The following NGF variants were observed in gnomAD, a reference collection of about 807,000 sequenced individuals.
NGF encodes beta-nerve growth factor.
A neutral mutation model predicts 12.8 loss-of-function variants in NGF; 4 were observed. The observed-to-expected ratio is 0.31, with a 90% confidence interval of 0.15 to 0.72. The LOEUF (loss-of-function observed/expected upper bound fraction) is 0.72, where lower values mean the gene tolerates loss of function less well. Ranked by LOEUF, NGF falls within the 30% of genes least tolerant of loss-of-function variation. The pLI, the probability that NGF is intolerant of heterozygous loss-of-function variation, is 0.69. For missense variants in NGF, 283 were observed against 330.8 expected (o/e 0.86, Z 1.12); for synonymous variants, 140 against 130.0 (o/e 1.08, Z -0.52).
chr1:115,320,683 T>C (rs959751531), intron 1 of NGF, among the ~76,000 whole-genome samples: 1 of 152,234 alleles, frequency 6.6e-6, no homozygotes, highest in Admixed American at 6.5e-5. Flanking sequence ...TACCATTTAA[T>C]ATTTTCGGAC....
At position 115,329,744 on chromosome 1, in the gene NGF, C is replaced by CTT. The variant is rs1039991768; in HGVS notation, c.-137+8458_-137+8459dup. Among the ~76,000 whole-genome samples, 103 of 103,968 alleles carry CTT rather than the reference C, an allele frequency of 9.9e-4. 2 individuals carry two copies. Among genetic ancestry groups the CTT allele is most frequent in the African/African-American group, 3.3e-3 (87 of 26,052 alleles). 68.2% of individuals were successfully genotyped at this position (103,968 alleles called of 152,430 possible). ...ATTTTGTTTTCTTTTTTCTTTCTTT[C>CTT]TTTTTTTTTTTTTTTTTTTTTGGAG... On this transcript the variant is annotated intron_variant, in intron 1 of 2. Transcript: ENST00000369512.
chr1:115,286,232 C>A lies in NGF; in HGVS notation c.564G>T (p.Gly188=). The part of the protein sequence containing the change: ...KCRDPNPVDS[G]CRGIDSKHWN... ...AGTGCTTTGAGTCAATGCCCCGGCA[C>A]CCGCTGTCAACGGGATTTGGGTCCC... The change falls in exon 3 of 3, where the codon GGG becomes GGT. Residue 188 remains glycine (G), a synonymous_variant. Transcript: ENST00000369512. 6.2e-7 allele frequency: 1 copy of A among 1,614,154 alleles called. No homozygotes were observed. The highest frequency in any genetic ancestry group is 8.5e-7 in the Non-Finnish European group (1 of 1,180,038).
chr1:115,311,647 A>G (rs896174071), intron 1 of NGF, among the ~76,000 whole-genome samples: 2 of 152,208 alleles, frequency 1.3e-5, no homozygotes, highest in African/African-American at 2.4e-5. Context: ...AAATCCTGCC[A>G]TATCTTAATA....
In NGF at chr1:115,333,790, TTTTC is replaced by T. The variant is rs966246955; in HGVS notation, c.-137+4410_-137+4413del. Among the ~76,000 whole-genome samples the T allele has an allele frequency of 3.0e-4, 30 of 100,800 alleles. 1 individual carries two copies. In the East Asian group the frequency reaches 4.2e-3, roughly 14 times the overall value. 66.1% of individuals were successfully genotyped at this position (100,800 alleles called of 152,430 possible). On this transcript the variant is annotated intron_variant, in intron 1 of 2. Coordinates refer to ENST00000369512, the MANE Select transcript of NGF (RefSeq NM_002506.3). Reference sequence around the variant, plus strand: ...CTCTCTTTCTTCATTCCTTCCTTTCTTTTCTTTCTTTCTTTCTCTTTTTCTTTCT... The same window carrying T: ...CTCTCTTTCTTCATTCCTTCCTTTCTTTTCTTTCTTTCTCTTTTTCTTTCT...
intron 2 of NGF, among the ~76,000 whole-genome samples, chr1:115,288,007 C>T (rs1299579227): frequency 1.3e-5 from 2 of 152,190 alleles, no homozygotes; most frequent in African/African-American, 4.8e-5. Flanking sequence ...TCAGAAATAT[C>T]TCTTGTAAGA....
intron 1 of NGF, among the ~76,000 whole-genome samples, chr1:115,305,450 A>G (rs1654176139): frequency 6.6e-6 from 1 of 152,180 alleles, no homozygotes; most frequent in South Asian, 2.1e-4. Flanking sequence ...CAAGGGAGCA[A>G]CAGTTCCACC....
At chr1:115,302,397 T>C (rs1654063317) in intron 1 of NGF, among the ~76,000 whole-genome samples, 1 of 152,184 alleles carries the variant, frequency 6.6e-6, no homozygotes, top group African/African-American at 2.4e-5. Context: ...TCATTTTTCT[T>C]GTCCAGAATT....
chr1:115,297,302 A>G lies in NGF; in HGVS notation c.-136-3552T>C, dbSNP rs540367727. ...CTTGTTCCTCCTCATGGGGTGAAGT[A>G]TCCAGTGCAAAGACAAAGCGCCAAC... On this transcript the variant is annotated intron_variant, in intron 1 of 2. Transcript: ENST00000369512. 7.2e-5 allele frequency among the ~76,000 whole-genome samples: 11 copies of G among 152,322 alleles called. No individual in the cohort carries two copies. The South Asian group carries it at 1.9e-3, about 26-fold the overall frequency.
chr1:115,321,208 G>A (rs753143928), intron 1 of NGF, among the ~76,000 whole-genome samples: 2 of 152,156 alleles, frequency 1.3e-5, no homozygotes, highest in African/African-American at 2.4e-5. Context: ...TGTAAGCCCC[G>A]TCAGGAGGGA....
At position 115,286,238 on chromosome 1, in the gene NGF, G is replaced by A; in HGVS notation, c.558C>T (p.Asp186=). 2 of 1,614,204 alleles carry A rather than the reference G, an allele frequency of 1.2e-6. No individual in the cohort carries two copies. Among genetic ancestry groups the A allele is most frequent in the Non-Finnish European group, 1.7e-6 (2 of 1,180,044 alleles). ...ETKCRDPNPV[D]SGCRGIDSKH... ...TTGAGTCAATGCCCCGGCACCCGCT[G>A]TCAACGGGATTTGGGTCCCGGCACT... Residue 186 remains aspartate (D), a synonymous_variant, in exon 3 of 3, where the codon GAC becomes GAT. Coordinates refer to ENST00000369512, the MANE Select transcript of NGF (RefSeq NM_002506.3).
chr1:115,330,723 G>A (rs1044443229), intron 1 of NGF, among the ~76,000 whole-genome samples: 4 of 94,484 alleles, frequency 4.2e-5, no homozygotes, highest in Non-Finnish European at 1.3e-4. Context: ...CTGTGGACTC[G>A]GTGACTTCAC....
At chr1:115,322,167 G>GA (rs1239630567) in intron 1 of NGF, among the ~76,000 whole-genome samples, 1 of 152,154 alleles carries the variant, frequency 6.6e-6, no homozygotes, top group Non-Finnish European at 1.5e-5. Context: ...CTTGTCTCTG[G>GA]AATTTCTTTT....
At chr1:115,331,930 C>T (rs1437686067) in intron 1 of NGF, among the ~76,000 whole-genome samples, 3 of 152,200 alleles carry the variant, frequency 2.0e-5, no homozygotes, top group African/African-American at 7.2e-5. Context: ...ATGGTGGGCC[C>T]CCTCCCCTGT....
chr1:115,331,971 A>G (rs1485447001), intron 1 of NGF, among the ~76,000 whole-genome samples: 1 of 152,196 alleles, frequency 6.6e-6, no homozygotes, highest in Non-Finnish European at 1.5e-5. Flanking sequence ...CTTTAACCAC[A>G]GGTTCTATGT....
At chr1:115,303,273 G>A (rs952383485) in intron 1 of NGF, among the ~76,000 whole-genome samples, 1 of 152,108 alleles carries the variant, frequency 6.6e-6, no homozygotes, top group Non-Finnish European at 1.5e-5. Context: ...CAGGACCTAA[G>A]TGCTCTCCCT....
chr1:115,324,935 G>C lies in NGF; in HGVS notation c.-137+13269C>G, dbSNP rs368192068. On this transcript the variant is annotated intron_variant, in intron 1 of 2. Transcript: ENST00000369512. The stretch of plus-strand genomic sequence containing the variant: ...TGGGTCCCTCAATAAACACAGCAAA[G>C]TTCCTGCCCTCATTCATATGTTCTT... Among the ~76,000 whole-genome samples, 69 of 152,302 alleles carry C rather than the reference G, an allele frequency of 4.5e-4. 2 individuals are homozygous for C. The South Asian group carries it at 0.012, about 27-fold the overall frequency.
At position 115,303,108 on chromosome 1, in the gene NGF, A is replaced by C. The variant is rs1654091137; in HGVS notation, c.-136-9358T>G. Among the ~76,000 whole-genome samples the C allele has an allele frequency of 3.3e-5, 5 of 151,698 alleles. No individual in the cohort carries two copies. The South Asian group carries it at 1.0e-3, about 31-fold the overall frequency. On this transcript the variant is annotated intron_variant, in intron 1 of 2. Coordinates refer to ENST00000369512, the MANE Select transcript of NGF (RefSeq NM_002506.3). ...AAAAACCCCAACAAACAAACACCAA[A>C]AATTTCACAACCAGTAGAACACTGT...
chr1:115,309,321 T>A, intron 1 of NGF, among the ~76,000 whole-genome samples: 1 of 152,226 alleles, frequency 6.6e-6, no homozygotes, highest in East Asian at 1.9e-4. Flanking sequence ...GAAGGAAATA[T>A]AATATGTATT....
At chr1:115,305,122 C>A (rs979620469) in intron 1 of NGF, among the ~76,000 whole-genome samples, 4 of 152,032 alleles carry the variant, frequency 2.6e-5, no homozygotes, top group Non-Finnish European at 5.9e-5. Flanking sequence ...TTAATTAGTC[C>A]ATTAGCATAA....
Sources: allele counts gnomAD v4.1 joint callset (sites outside exome capture counted in the v4.1 genomes callset), GRCh38; gene constraint gnomAD v4.1.1; transcripts MANE v1.5; gene names NCBI Gene and HGNC (gene_info 2026-07-23, HGNC 2026-07-21).